SLC35D2: variants seen among roughly 807,000 people sequenced by gnomAD.
SLC35D2 encodes solute carrier family 35 member D2, also known as nucleotide sugar transporter SLC35D2.
SLC35D2 carries 43 observed loss-of-function variants against 41.8 expected under a neutral mutation model. The observed-to-expected ratio is 1.03, with a 90% CI of 0.81 to 1.33. The LOEUF (loss-of-function observed/expected upper bound fraction) is 1.33. Among genes scored for constraint, SLC35D2 ranks in the 40% most tolerant of loss-of-function variants. The pLI is 0.00. For missense variants in SLC35D2, 380 were observed against 408.4 expected (o/e 0.93, Z 0.60); for synonymous variants, 150 against 163.9 (o/e 0.92, Z 0.65).
intron 6 of SLC35D2, among the ~76,000 whole-genome samples, chr9:96,350,060 C>A (rs1334435978): frequency 6.6e-6 from 1 of 152,158 alleles, no homozygotes; most frequent in Non-Finnish European, 1.5e-5. Flanking sequence ...AGCTTTCAAG[C>A]AGTAAAACTC....
At chr9:96,314,424 A>G (rs905275546) in exon 12 of SLC35D2, 1 of 152,186 alleles carries the variant, frequency 6.6e-6, no homozygotes, top group East Asian at 1.9e-4. Flanking sequence ...AAGGAACGAG[A>G]TCATGTCCAT....
intron 9 of SLC35D2, among the ~76,000 whole-genome samples, chr9:96,328,019 A>C (rs1828627311): frequency 6.6e-6 from 1 of 152,042 alleles, no homozygotes; most frequent in Admixed American, 6.6e-5. Flanking sequence ...AAAAGAATCT[A>C]TTTCTATATG....
chr9:96,381,539 C>T (rs1034444852), intron 1 of SLC35D2, among the ~76,000 whole-genome samples: 1 of 152,196 alleles, frequency 6.6e-6, no homozygotes, highest in Non-Finnish European at 1.5e-5. Context: ...CCACTGATCA[C>T]GCTCACACTG....
chr9:96,348,143 C>G (rs554456619), intron 6 of SLC35D2, among the ~76,000 whole-genome samples: 146 of 152,302 alleles, frequency 9.6e-4, no homozygotes, highest in African/African-American at 3.4e-3. Context: ...TCCAAGAACC[C>G]TCTCTTGGGG....
At chr9:96,344,455 A>T (rs1829474380) in intron 7 of SLC35D2, among the ~76,000 whole-genome samples, 1 of 149,718 alleles carries the variant, frequency 6.7e-6, no homozygotes, top group Non-Finnish European at 1.5e-5. Context: ...AAAAAGGATG[A>T]CATATTGTGA....
At chr9:96,318,905 C>T (rs983117158), downstream of SLC35D2, among the ~76,000 whole-genome samples, 2 of 152,080 alleles carry the variant, frequency 1.3e-5, no homozygotes, top group Non-Finnish European at 2.9e-5. Context: ...GAAATTGGAA[C>T]CCTTGATGGC....
At chr9:96,382,386 C>T (rs1005865453) in intron 1 of SLC35D2, among the ~76,000 whole-genome samples, 1 of 151,270 alleles carries the variant, frequency 6.6e-6, no homozygotes, top group African/African-American at 2.4e-5. Flanking sequence ...CCCAGATGGT[C>T]GAGGCTGCAG....
Position 96,320,718 on chromosome 9 carries a change from A to G in SLC35D2, c.*524T>C, listed in dbSNP as rs1479589157. 1 of 152,296 alleles carries G rather than the reference A, an allele frequency of 6.6e-6. No individual in the cohort carries two copies. The highest frequency in any genetic ancestry group is 6.5e-5 in the Admixed American group (1 of 15,272). 9.4% of individuals were successfully genotyped at this position (152,296 alleles called of 1,614,324 possible). ...ACATGATGAGGCATACATAGAAATG[A>G]TTTTTTATTTACTTTGATGATTAGG... On this transcript the variant is annotated 3_prime_UTR_variant, in exon 12 of 12. Coordinates refer to ENST00000253270, the MANE Select transcript of SLC35D2 (RefSeq NM_007001.3).
intron 6 of SLC35D2, among the ~76,000 whole-genome samples, chr9:96,349,220 C>T (rs2130926939): frequency 6.6e-6 from 1 of 152,298 alleles, no homozygotes; most frequent in South Asian, 2.1e-4. Context: ...AAATCTACTG[C>T]AGAGAAGACA....
intron 10 of SLC35D2, 68 bp downstream of exon 10, chr9:96,324,023 C>G: frequency 7.2e-7 from 1 of 1,391,320 alleles, no homozygotes; most frequent in African/African-American, 1.4e-5. Flanking sequence ...CAAACCCGGC[C>G]TCCCATGGAA....
intron 1 of SLC35D2, among the ~76,000 whole-genome samples, chr9:96,380,634 G>GT (rs577060562): frequency 0.026 from 3,915 of 150,384 alleles, 70 homozygotes; most frequent in Middle Eastern, 0.055. Context: ...GTTTTTTTTT[G>GT]TTTGTTTTTT....
At chr9:96,358,287 A>G (rs573810689) in intron 4 of SLC35D2, among the ~76,000 whole-genome samples, 1 of 151,962 alleles carries the variant, frequency 6.6e-6, no homozygotes, top group South Asian at 2.1e-4. Flanking sequence ...ACCTAAACGT[A>G]AAATGTAAAC....
intron 1 of SLC35D2, among the ~76,000 whole-genome samples, chr9:96,379,898 C>CTTTTT (rs372665048): frequency 7.4e-6 from 1 of 135,410 alleles, no homozygotes; most frequent in Non-Finnish European, 1.6e-5. Context: ...AGGCTAGAGC[C>CTTTTT]TTTTTTTTTT....
chr9:96,348,936 A>G (rs1290702325), intron 6 of SLC35D2, among the ~76,000 whole-genome samples: 1 of 152,032 alleles, frequency 6.6e-6, no homozygotes, highest in Non-Finnish European at 1.5e-5. Flanking sequence ...ATTTTTTGCA[A>G]AAGTCTTTAA....
chr9:96,337,574 T>C lies in SLC35D2; in HGVS notation c.685-790A>G, dbSNP rs139428257. The stretch of plus-strand genomic sequence containing the variant: ...AAGAAAAGTTTAAGGTCATAAACTG[T>C]TCTCAGGAACTTGCACATGCTTAGG... On this transcript the variant is annotated intron_variant, in intron 8 of 11. Transcript: ENST00000253270. Among the ~76,000 whole-genome samples, 9 of 152,254 alleles carry C rather than the reference T, an allele frequency of 5.9e-5. No homozygotes were observed. In the East Asian group the frequency reaches 1.7e-3, roughly 29 times the overall value.
At chr9:96,378,013 G>C (rs1831027758) in intron 1 of SLC35D2, among the ~76,000 whole-genome samples, 1 of 152,112 alleles carries the variant, frequency 6.6e-6, no homozygotes, top group Non-Finnish European at 1.5e-5. Context: ...TAAAGTAAGA[G>C]CACATTAGGA....
Position 96,321,303 on chromosome 9 carries a change from C to T in SLC35D2, c.953G>A (p.Ser318Asn). Residue 318 changes from serine (S) to asparagine (N), a missense_variant, in exon 12 of 12, where the codon AGC becomes AAC. Ser to Asn is a conservative substitution (Grantham distance 46, BLOSUM62 1). Transcript: ENST00000253270. ...CACAGGTTTAGGTTTTAACTGGCTG[C>T]TCAGTGTTAAAAAGGAATATCTCAA... The part of the protein sequence containing the change: ...GGLRYSFLTL[S>N]SQLKPKPVGE... The T allele has an allele frequency of 6.2e-7, 1 of 1,613,986 alleles. No individual in the cohort carries two copies. The highest frequency in any genetic ancestry group is 8.5e-7 in the Non-Finnish European group (1 of 1,179,938).
At chr9:96,355,057 T>C (rs975213888) in intron 4 of SLC35D2, among the ~76,000 whole-genome samples, 7 of 151,146 alleles carry the variant, frequency 4.6e-5, no homozygotes, top group Non-Finnish European at 7.4e-5. Flanking sequence ...TCTTGCTCTA[T>C]TGCCCAGGCT....
chr9:96,353,736 AAT>A (rs1414750218), intron 4 of SLC35D2, among the ~76,000 whole-genome samples: 1 of 152,216 alleles, frequency 6.6e-6, no homozygotes, highest in East Asian at 1.9e-4. Flanking sequence ...ACTGCCTTAA[AAT>A]ATATAGTTAA....
Sources: allele counts gnomAD v4.1 joint callset (sites outside exome capture counted in the v4.1 genomes callset), GRCh38; gene constraint gnomAD v4.1.1; transcripts MANE v1.5; gene names NCBI Gene and HGNC (gene_info 2026-07-23, HGNC 2026-07-21).